Variants in TOR3A observed in about 807,000 individuals in gnomAD.
TOR3A encodes the protein torsin family 3 member A, also known as torsin-3A.
In TOR3A, 44 loss-of-function variants were observed where a neutral mutation model predicts 42.1. The ratio of observed to expected loss-of-function variants is 1.04; its 90% CI spans 0.82 to 1.34. The LOEUF (loss-of-function observed/expected upper bound fraction) is 1.34, where lower values mean the gene tolerates loss of function less well. Ranked by LOEUF, TOR3A falls within the 40% of genes most tolerant of loss-of-function variation. The probability of loss-of-function intolerance (pLI) is 0.00; values close to 1 mark genes in which losing one functional copy is unlikely to be tolerated. For synonymous variants in TOR3A, 227 were observed against 213.2 expected (o/e 1.06, Z -0.57); for missense variants, 521 against 507.6 (o/e 1.03, Z -0.25).
intron 2 of TOR3A, among the ~76,000 whole-genome samples, chr1:179,083,727 A>C (rs1652360256): frequency 6.6e-6 from 1 of 151,920 alleles, no homozygotes; most frequent in African/African-American, 2.4e-5. Flanking sequence ...TTTTCTAATT[A>C]GTTTGGGTTG....
chr1:179,094,944 A>G (rs1652691993), intron 5 of TOR3A, 24 bp from the exon 6 acceptor site: 23 of 1,613,342 alleles, frequency 1.4e-5, no homozygotes, highest in Non-Finnish European at 1.9e-5. Flanking sequence ...GTCAGACTCC[A>G]TGTAACTTTG....
intron 2 of TOR3A, among the ~76,000 whole-genome samples, chr1:179,084,406 T>C (rs993505554): frequency 6.6e-5 from 10 of 152,102 alleles, no homozygotes; most frequent in African/African-American, 2.2e-4. Flanking sequence ...TTTGTATTTT[T>C]AGTAGAGAGG....
At position 179,082,324 on chromosome 1, in the gene TOR3A, T is replaced by G. The variant is rs991475750; in HGVS notation, c.196T>G (p.Phe66Val). ...GALSKRYWTLFSCQVWPDDCD... is the reference protein window; with the variant it reads ...GALSKRYWTLVSCQVWPDDCD... ...CCTCTCCAAGCGGTACTGGACGCTCTTCAGCTGCCAGGTGTGGCCCGACGA... is the reference window on the plus strand; with the variant it reads ...CCTCTCCAAGCGGTACTGGACGCTCGTCAGCTGCCAGGTGTGGCCCGACGA... The change falls in exon 1 of 6, where the codon TTC becomes GTC. Residue 66 changes from phenylalanine (F) to valine (V), a missense_variant. Transcript: ENST00000367627. The G allele has an allele frequency of 8.1e-6, 13 of 1,604,542 alleles. No homozygotes were observed. Among genetic ancestry groups the G allele is most frequent in the Non-Finnish European group, 1.1e-5 (13 of 1,177,256 alleles).
intron 3 of TOR3A, among the ~76,000 whole-genome samples, chr1:179,086,258 G>A (rs1004999980): frequency 2.6e-5 from 4 of 152,248 alleles, no homozygotes; most frequent in African/African-American, 9.6e-5. Flanking sequence ...ACCCTTGTCA[G>A]CTAAGGAGAG....
chr1:179,086,665 CAAAAA>C (rs149541470), intron 3 of TOR3A, among the ~76,000 whole-genome samples: 3 of 123,780 alleles, frequency 2.4e-5, no homozygotes, highest in Admixed American at 8.6e-5. Context: ...GACTCCATCT[CAAAAA>C]AAAAAAAAAA....
At chr1:179,084,487 G>A (rs1166293526) in intron 2 of TOR3A, among the ~76,000 whole-genome samples, 1 of 152,132 alleles carries the variant, frequency 6.6e-6, no homozygotes, top group Non-Finnish European at 1.5e-5. Flanking sequence ...GCCTCCCCAA[G>A]TGCTGGGATT....
At chr1:179,094,540 G>C (rs1031556085) in intron 5 of TOR3A, among the ~76,000 whole-genome samples, 1 of 152,152 alleles carries the variant, frequency 6.6e-6, no homozygotes, top group Non-Finnish European at 1.5e-5. Flanking sequence ...ATACGCTGCA[G>C]ACAGCACTCC....
In TOR3A at chr1:179,095,135, G is replaced by T. The variant is rs1345940321; in HGVS notation, c.1111G>T (p.Val371Leu). 6.2e-7 allele frequency: 1 copy of T among 1,614,182 alleles called. No individual in the cohort carries two copies. The highest frequency in any genetic ancestry group is 1.1e-5 in the South Asian group (1 of 91,086). Residue 371 changes from valine to leucine, a missense_variant, in exon 6 of 6, where the codon GTG becomes TTG. Coordinates refer to ENST00000367627, the MANE Select transcript of TOR3A (RefSeq NM_022371.4). The stretch of plus-strand genomic sequence containing the variant: ...ACTGGATGAAATAGCCCAGATGATG[G>T]TGTATGTCCCCAAGGAGGAACAACT... ...ETLDEIAQMM[V>L]YVPKEEQLFS...
chr1:179,094,359 T>C, intron 5 of TOR3A, 142 bp downstream of exon 5: 1 of 1,118,154 alleles, frequency 8.9e-7, no homozygotes, highest in Non-Finnish European at 1.2e-6. Context: ...TTGTCAACCC[T>C]GGGTGGGCAC....
At chr1:179,094,038 CAT>C (rs1250999073) in intron 4 of TOR3A, 53 bp from the exon 5 acceptor site, 9 of 1,589,730 alleles carry the variant, frequency 5.7e-6, no homozygotes, top group East Asian at 2.3e-5. Flanking sequence ...GGTGAGATAA[CAT>C]ATATGGAAGC....
At chr1:179,083,320 C>T (rs1652343451) in intron 2 of TOR3A, among the ~76,000 whole-genome samples, 1 of 128,394 alleles carries the variant, frequency 7.8e-6, no homozygotes, top group South Asian at 2.4e-4. Flanking sequence ...AAACAGCTAC[C>T]TCTCAGAGGG....
At chr1:179,087,568 T>G (rs1160171338) in intron 3 of TOR3A, among the ~76,000 whole-genome samples, 2 of 152,164 alleles carry the variant, frequency 1.3e-5, no homozygotes, top group African/African-American at 2.4e-5. Flanking sequence ...CTGGATGGGA[T>G]GTAGTCCTGG....
At chr1:179,088,236 G>A (rs1198819525) in intron 4 of TOR3A, 147 bp downstream of exon 4, 2 of 889,308 alleles carry the variant, frequency 2.2e-6, no homozygotes, top group South Asian at 4.6e-5. Context: ...AGCCAGCTGT[G>A]GTAGCTCACG....
At chr1:179,083,378 TAA>T (rs1183548514) in intron 2 of TOR3A, among the ~76,000 whole-genome samples, 1 of 150,826 alleles carries the variant, frequency 6.6e-6, no homozygotes, top group African/African-American at 2.4e-5. Context: ...GGGTTGTGAT[TAA>T]AAGTGTCCCT....
At position 179,095,413 on chromosome 1, in the gene TOR3A, G is replaced by GC; in HGVS notation, c.*195_*196insC. ...CAAGCCAATCCTTTTTCTTTTTTTT[G>GC]GAGGTCCCACCGAGATAGATAGGAA... On this transcript the variant is annotated 3_prime_UTR_variant, in exon 6 of 6. Coordinates refer to ENST00000367627, the MANE Select transcript of TOR3A (RefSeq NM_022371.4). The GC allele has an allele frequency of 4.4e-6, 6 of 1,366,640 alleles. No individual in the cohort carries two copies. The highest frequency in any genetic ancestry group is 3.2e-5 in the Admixed American group (1 of 31,672). The allele number at this position is 1,366,640 out of a possible 1,614,324, so 84.7% of individuals were successfully genotyped here. A position where few individuals can be genotyped will look rare whatever the true frequency, so the allele number is the denominator to read the frequency against.
chr1:179,093,761 C>T (rs1652657320), intron 4 of TOR3A, among the ~76,000 whole-genome samples: 1 of 152,178 alleles, frequency 6.6e-6, no homozygotes, highest in Non-Finnish European at 1.5e-5. Flanking sequence ...TAGCGCTTGC[C>T]ACACTGTCCT....
chr1:179,087,898 A>C lies in TOR3A; in HGVS notation c.640-13A>C, dbSNP rs1279399193. 5.1e-6 allele frequency: 8 copies of C among 1,559,920 alleles called. 1 individual carries two copies. In the Admixed American group the frequency reaches 1.3e-4, roughly 26 times the overall value. Reference sequence around the variant, plus strand: ...GTCACCACTTCCCCAGCTGCTCCCTATATCCCGTGCAGGAGCAGCTGATGA... The same window carrying C: ...GTCACCACTTCCCCAGCTGCTCCCTCTATCCCGTGCAGGAGCAGCTGATGA... On this transcript the variant is annotated splice_polypyrimidine_tract_variant and intron_variant, in intron 3 of 5. Coordinates refer to ENST00000367627, the MANE Select transcript of TOR3A (RefSeq NM_022371.4).
At chr1:179,093,346 A>C (rs2102546795) in intron 4 of TOR3A, among the ~76,000 whole-genome samples, 1 of 152,260 alleles carries the variant, frequency 6.6e-6, no homozygotes, top group East Asian at 1.9e-4. Flanking sequence ...CAAGCAAAAA[A>C]CACTCAAACG....
chr1:179,093,178 C>T (rs990714186), intron 4 of TOR3A, among the ~76,000 whole-genome samples: 12 of 152,238 alleles, frequency 7.9e-5, no homozygotes, highest in Admixed American at 2.0e-4. Context: ...GCCAAGTCTC[C>T]ACTACCTCTG....
Sources: allele counts gnomAD v4.1 joint callset (sites outside exome capture counted in the v4.1 genomes callset), GRCh38; gene constraint gnomAD v4.1.1; transcripts MANE v1.5; gene names NCBI Gene and HGNC (gene_info 2026-07-23, HGNC 2026-07-21).